The following RAB44 variants were observed in gnomAD, a reference collection of about 807,000 sequenced individuals.
RAB44 encodes the protein RAB44, member RAS oncogene family, also known as ras-related protein Rab-44.
RAB44 carries 67 observed loss-of-function variants against 93.3 expected under a neutral mutation model. The ratio of observed to expected loss-of-function variants is 0.72; its 90% confidence interval spans 0.59 to 0.88. The LOEUF is 0.88. RAB44 is among the 40% of genes least tolerant of loss of function. The pLI is 0.00. For missense variants in RAB44, 1,064 were observed against 1,261.7 expected, an observed-to-expected ratio of 0.84 and a Z score of 2.37; for synonymous variants, 427 against 520.3, an observed-to-expected ratio of 0.82 and a Z score of 2.44.
intron 7 of RAB44, among the ~76,000 whole-genome samples, chr6:36,719,184 A>T (rs1763008021): frequency 6.6e-6 from 1 of 152,084 alleles, no homozygotes; most frequent in Non-Finnish European, 1.5e-5. Flanking sequence ...CAACTTGAAG[A>T]CCACTGACCT....
Position 36,722,216 on chromosome 6 carries a change from A to G in RAB44, c.2082A>G (p.Ser694=), listed in dbSNP as rs1409526204. The change falls in exon 9 of 14, where the codon TCA becomes TCG. Residue 694 remains serine, a synonymous_variant. Transcript: ENST00000612677. ...GGCAGGACCTCAGTTCAGAGCAGTC[A>G]GAGCAGTCGGTTGAGGCTCACGGCC... ...RGGQDLSSEQ[S]EQSVEAHGLE... 1.6e-6 allele frequency: 2 copies of G among 1,257,976 alleles called. No individual in the cohort carries two copies. The highest frequency in any genetic ancestry group is 2.0e-6 in the Non-Finnish European group (2 of 1,002,224). The allele number at this position is 1,257,976 out of a possible 1,614,324, so 77.9% of individuals were successfully genotyped here. A position where few individuals can be genotyped will look rare whatever the true frequency, so the allele number is the denominator to read the frequency against.
chr6:36,722,350 C>T lies in RAB44; in HGVS notation c.2216C>T (p.Ser739Leu), dbSNP rs1387129066. 5.2e-6 allele frequency: 7 copies of T among 1,336,520 alleles called. No homozygotes were observed. The highest frequency in any genetic ancestry group is 5.5e-5 in the East Asian group (2 of 36,148). The allele number at this position is 1,336,520 out of a possible 1,614,324, so 82.8% of individuals were successfully genotyped here. ...VEAEGPTPGKSAPPRGSPPRG... is the reference protein window; with the variant it reads ...VEAEGPTPGKLAPPRGSPPRG... ...GCAGAAGGCCCCACTCCTGGAAAAT[C>T]GGCACCTCCAAGGGGCTCTCCTCCC... is the stretch of plus-strand genomic sequence containing the variant. Residue 739 changes from serine (S) to leucine (L), a missense_variant, in exon 9 of 14, where the codon TCG becomes TTG. Ser to Leu is a moderately radical substitution (Grantham distance 145). Transcript: ENST00000612677.
At chr6:36,715,853 A>G (rs963557900) in intron 4 of RAB44, among the ~76,000 whole-genome samples, 200 bp downstream of exon 4, 20 of 152,186 alleles carry the variant, frequency 1.3e-4, no homozygotes, top group Non-Finnish European at 2.2e-4. Context: ...GAATGAGCCT[A>G]AAAGTTGTTG....
In RAB44 at chr6:36,704,417, G is replaced by T. The variant is rs942855617; in HGVS notation, c.182G>T (p.Gly61Val). 6.5e-7 allele frequency: 1 copy of T among 1,535,866 alleles called. No homozygotes were observed. The highest frequency in any genetic ancestry group is 8.7e-7 in the Non-Finnish European group (1 of 1,146,850). The change falls in exon 2 of 14, where the codon GGC (glycine) becomes GTC (valine). Residue 61 changes from glycine (G) to valine (V), a missense_variant. Gly to Val is a moderately radical substitution (Grantham distance 109). Coordinates refer to ENST00000612677, the MANE Select transcript of RAB44 (RefSeq NM_001257357.2). ...CAGGACTGTGGTGCCAAGGAGAGGG[G>T]CTTTGTCACCCGCGAGGACCTGGCG... ...FFQDCGAKERGFVTREDLAVA... is the reference protein window; with the variant it reads ...FFQDCGAKERVFVTREDLAVA...
chr6:36,699,951 G>A (rs1676884557), intron 1 of RAB44, among the ~76,000 whole-genome samples: 1 of 152,178 alleles, frequency 6.6e-6, no homozygotes, highest in African/African-American at 2.4e-5. Flanking sequence ...CCAACTGTGT[G>A]CCAAGCGCTG....
rs1250342386 is a variant in RAB44, at chr6:36,722,645, C to A, written c.2511C>A (p.Ile837=). The change falls in exon 9 of 14, where the codon ATC becomes ATA. Residue 837 remains isoleucine (I), a synonymous_variant. Coordinates refer to ENST00000612677, the MANE Select transcript of RAB44 (RefSeq NM_001257357.2). ...ACCCTGATTACCTCTTCCATGTCAT[C>A]TTTCTGGGAGACTCCAACGTGGGCA... ...QANPDYLFHV[I]FLGDSNVGKT... 1 of 1,550,546 alleles carries A rather than the reference C, an allele frequency of 6.4e-7. No individual in the cohort carries two copies. The highest frequency in any genetic ancestry group is 8.7e-7 in the Non-Finnish European group (1 of 1,147,016).
rs1406722752 is a variant in RAB44 at position 36,717,205 on chromosome 6, G to A, written c.495-68G>A. ...GCTGCAGTGAAAACTGAGGAGTGGG[G>A]CTCCCCTTGCTTCTCCATCCCACCT... On this transcript the variant is annotated intron_variant, in intron 4 of 13. Coordinates refer to ENST00000612677, the MANE Select transcript of RAB44 (RefSeq NM_001257357.2). The surrounding 1 kb of genome is among the most constrained non-coding windows in gnomAD (Gnocchi z 4.1). The A allele has an allele frequency of 3.3e-6, 4 of 1,222,328 alleles. No individual in the cohort carries two copies. The highest frequency in any genetic ancestry group is 4.1e-6 in the Non-Finnish European group (4 of 979,674). The allele number at this position is 1,222,328 out of a possible 1,614,324, so 75.7% of individuals were successfully genotyped here.
intron 3 of RAB44, among the ~76,000 whole-genome samples, chr6:36,714,279 T>C (rs1191013095): frequency 2.0e-5 from 3 of 152,138 alleles, no homozygotes; most frequent in Non-Finnish European, 4.4e-5. Flanking sequence ...GAGGGTGATA[T>C]CTAGGGGTGG....
intron 2 of RAB44, among the ~76,000 whole-genome samples, chr6:36,713,623 C>T (rs947299685): frequency 2.0e-5 from 3 of 152,140 alleles, no homozygotes; most frequent in Admixed American, 6.5e-5. Flanking sequence ...GTGAAAAGAG[C>T]TGGAGCCAGT....
chr6:36,725,989 T>C (rs1763229947), intron 10 of RAB44, 46 bp downstream of exon 10: 1 of 1,451,874 alleles, frequency 6.9e-7, no homozygotes, highest in African/African-American at 1.4e-5. Context: ...AGGCTGAGCG[T>C]AGGGGTGCAG....
chr6:36,727,472 T>C, intron 10 of RAB44, 105 bp from the exon 11 acceptor site: 1 of 709,352 alleles, frequency 1.4e-6, no homozygotes, highest in Non-Finnish European at 2.5e-6. Context: ...GGACATGCTC[T>C]GTGGGAAGCA....
intron 1 of RAB44, among the ~76,000 whole-genome samples, chr6:36,702,554 G>T (rs189968459): frequency 6.6e-6 from 1 of 152,330 alleles, no homozygotes; most frequent in East Asian, 1.9e-4. Context: ...GCCCAGGGGA[G>T]ATATCTATTC....
chr6:36,732,151 C>T lies in RAB44; in HGVS notation c.*58C>T, dbSNP rs1002484406. The T allele has an allele frequency of 2.7e-6, 3 of 1,113,840 alleles. No homozygotes were observed. Among genetic ancestry groups the T allele is most frequent in the Middle Eastern group, 2.1e-4 (1 of 4,658 alleles). 69.0% of individuals were successfully genotyped at this position (1,113,840 alleles called of 1,614,324 possible). A position where few individuals can be genotyped will look rare whatever the true frequency, so the allele number is the denominator to read the frequency against. On this transcript the variant is annotated 3_prime_UTR_variant, in exon 14 of 14. Transcript: ENST00000612677. The stretch of plus-strand genomic sequence containing the variant: ...CATGGGGTTTCCTGTCCCTCAGCTC[C>T]TGTCCTTTGTTCCTGGACAGCAACG...
At chr6:36,712,361 G>T (rs1014693278) in intron 2 of RAB44, among the ~76,000 whole-genome samples, 1 of 152,056 alleles carries the variant, frequency 6.6e-6, no homozygotes, top group African/African-American at 2.4e-5. Context: ...CAGTCCCAGT[G>T]GATATGAAAT....
rs1762953932 is a variant in RAB44 at position 36,717,602 on chromosome 6, G to T, written c.641+183G>T. The stretch of plus-strand genomic sequence containing the variant: ...GGGGAGGACAGAGTTGGTAATGGCA[G>T]GAGTGGGAAGGGCAGGGTGTGTCTT... On this transcript the variant is annotated intron_variant, in intron 5 of 13. Coordinates refer to ENST00000612677, the MANE Select transcript of RAB44 (RefSeq NM_001257357.2). This position sits in a 1 kb window ranked among gnomAD's most constrained non-coding sequence, Gnocchi z 4.1. Among the ~76,000 whole-genome samples, 1 of 152,212 alleles carries T rather than the reference G, an allele frequency of 6.6e-6. No homozygotes were observed. The highest frequency in any genetic ancestry group is 2.4e-5 in the African/African-American group (1 of 41,446).
chr6:36,703,947 G>A (rs951407063), intron 1 of RAB44, among the ~76,000 whole-genome samples: 1 of 152,228 alleles, frequency 6.6e-6, no homozygotes, highest in Non-Finnish European at 1.5e-5. Context: ...TGATAGTTGA[G>A]TAGTAGCCTG....
chr6:36,705,081 A>G (rs377539675), intron 2 of RAB44, among the ~76,000 whole-genome samples: 230 of 147,850 alleles, frequency 1.6e-3, no homozygotes, highest in African/African-American at 5.5e-3. Flanking sequence ...AGATCACACC[A>G]CTACACTCCA....
At chr6:36,730,086 C>A (rs984311578) in intron 12 of RAB44, among the ~76,000 whole-genome samples, 1 of 152,096 alleles carries the variant, frequency 6.6e-6, no homozygotes, top group Non-Finnish European at 1.5e-5. Flanking sequence ...AATAGAAAAT[C>A]ATATAAGCAG....
rs1763120866 is a variant in RAB44, at chr6:36,722,562, G to A, written c.2428G>A (p.Glu810Lys). Residue 810 changes from glutamate (E) to lysine (K), a missense_variant, in exon 9 of 14, where the codon GAA (glutamate) becomes AAA (lysine). Physicochemically the swap from Glu to Lys is moderately conservative, Grantham distance 56. Transcript: ENST00000612677. Reference sequence around the variant, plus strand: ...TGAAGATCCAGGAATGGACTCCAGGGAAGCTGGGCTGACCCCATCCCCGGG... The same window carrying A: ...TGAAGATCCAGGAATGGACTCCAGGAAAGCTGGGCTGACCCCATCCCCGGG... ...RLEDPGMDSREAGLTPSPGDP... is the reference protein window; with the variant it reads ...RLEDPGMDSRKAGLTPSPGDP... 1 of 1,548,992 alleles carries A rather than the reference G, an allele frequency of 6.5e-7. No homozygotes were observed.
Sources: allele counts gnomAD v4.1 joint callset (sites outside exome capture counted in the v4.1 genomes callset), GRCh38; gene constraint gnomAD v4.1.1; non-coding constraint Gnocchi (gnomAD v3.1); transcripts MANE v1.5; gene names NCBI Gene and HGNC (gene_info 2026-07-23, HGNC 2026-07-21).